ALK: variants seen among roughly 807,000 people sequenced by gnomAD.
ALK encodes the protein ALK tyrosine kinase receptor.
ALK carries 74 observed loss-of-function variants against 163.1 expected under a neutral mutation model. The ratio of observed to expected loss-of-function variants is 0.45; its 90% confidence interval spans 0.38 to 0.55. The LOEUF is 0.55. Among genes scored for constraint, ALK ranks in the 20% least tolerant of loss-of-function variants. ALK has a pLI of 0.00. For missense variants in ALK, 2,063 were observed against 2,105.3 expected (o/e 0.98, Z 0.39); for synonymous variants, 960 against 843.2 (o/e 1.14, Z -2.40).
At chr2:29,399,661 G>A (rs1470388453) in intron 4 of ALK, among the ~76,000 whole-genome samples, 1 of 152,194 alleles carries the variant, frequency 6.6e-6, no homozygotes, top group Admixed American at 6.5e-5. Flanking sequence ...CCACCATGGT[G>A]TCTGCCTGCT....
At chr2:29,432,283 T>G (rs1419664136) in intron 4 of ALK, among the ~76,000 whole-genome samples, 1 of 152,042 alleles carries the variant, frequency 6.6e-6, no homozygotes, top group Non-Finnish European at 1.5e-5. Context: ...ACAATTGAGT[T>G]CTCACTTTAT....
intron 1 of ALK, among the ~76,000 whole-genome samples, chr2:29,752,209 A>T (rs1193158861): frequency 6.6e-6 from 1 of 152,188 alleles, no homozygotes; most frequent in Non-Finnish European, 1.5e-5. Flanking sequence ...ATTATAAAAT[A>T]GGCATTGTGT....
chr2:29,359,613 T>C (rs572634952), intron 5 of ALK, among the ~76,000 whole-genome samples: 1 of 152,350 alleles, frequency 6.6e-6, no homozygotes, highest in African/African-American at 2.4e-5. Context: ...CTGTTCCACT[T>C]GAAGGTGACT....
chr2:29,644,830 A>C (rs1377376933), intron 3 of ALK, among the ~76,000 whole-genome samples: 2 of 152,190 alleles, frequency 1.3e-5, no homozygotes, highest in African/African-American at 4.8e-5. Context: ...CTTAAATAGA[A>C]ATTTCAAGTA....
In ALK at chr2:29,644,101, A is replaced by G. The variant is rs573501698; in HGVS notation, c.952+50749T>C. 7.3e-3 allele frequency among the ~76,000 whole-genome samples: 1,104 copies of G among 152,134 alleles called. 13 individuals carry two copies. The highest frequency in any genetic ancestry group is 0.026 in the African/African-American group (1,069 of 41,496). ...TGATGAGTTCACGTCCTTTGTAGGGACATGGATGAAGCTGGAAACCATCAT... is the reference window on the plus strand; with the variant it reads ...TGATGAGTTCACGTCCTTTGTAGGGGCATGGATGAAGCTGGAAACCATCAT... On this transcript the variant is annotated intron_variant, in intron 3 of 28. Transcript: ENST00000389048.
chr2:29,706,879 C>CTAG (rs1241440360), intron 2 of ALK, among the ~76,000 whole-genome samples: 5 of 151,928 alleles, frequency 3.3e-5, no homozygotes, highest in Non-Finnish European at 7.4e-5. Flanking sequence ...GTGGCATGGC[C>CTAG]TAGGGCTTGG....
At chr2:29,708,199 C>T (rs1375832542) in intron 2 of ALK, among the ~76,000 whole-genome samples, 1 of 152,202 alleles carries the variant, frequency 6.6e-6, no homozygotes, top group Non-Finnish European at 1.5e-5. Context: ...TCCCAAGTAG[C>T]TGGGATTACA....
At chr2:29,537,720 G>C (rs573353081) in intron 3 of ALK, among the ~76,000 whole-genome samples, 1 of 152,220 alleles carries the variant, frequency 6.6e-6, no homozygotes, top group Admixed American at 6.5e-5. Flanking sequence ...GACACTGGCA[G>C]CTTGAAGCCT....
chr2:29,918,556 C>G (rs138495176), intron 1 of ALK, among the ~76,000 whole-genome samples: 15 of 152,280 alleles, frequency 9.9e-5, no homozygotes, highest in African/African-American at 3.6e-4. Flanking sequence ...ATGAAAAGGG[C>G]TCACTTTAGG....
intron 4 of ALK, among the ~76,000 whole-genome samples, chr2:29,493,627 A>G (rs549443107): frequency 6.6e-6 from 1 of 152,338 alleles, no homozygotes; most frequent in East Asian, 1.9e-4. Context: ...CTCTTTGGGT[A>G]GGTCTCAGTT....
chr2:29,917,139 T>C (rs559146232), intron 1 of ALK, among the ~76,000 whole-genome samples: 4 of 152,346 alleles, frequency 2.6e-5, no homozygotes, highest in Admixed American at 2.6e-4. Flanking sequence ...ACTATTTTAG[T>C]CATGGTCCTG....
chr2:29,612,993 C>T (rs1675738288), intron 3 of ALK, among the ~76,000 whole-genome samples: 1 of 152,180 alleles, frequency 6.6e-6, no homozygotes, highest in South Asian at 2.1e-4. Flanking sequence ...TCCAGGCATA[C>T]ACACACCACG....
At chr2:29,689,200 T>G (rs190595971) in intron 3 of ALK, among the ~76,000 whole-genome samples, 7 of 152,304 alleles carry the variant, frequency 4.6e-5, no homozygotes, top group African/African-American at 1.7e-4. Flanking sequence ...AATGATGAGT[T>G]TCACTGATGA....
chr2:29,679,366 A>T (rs79463306), intron 3 of ALK, among the ~76,000 whole-genome samples: 1,943 of 151,388 alleles, frequency 0.013, 49 homozygotes, highest in African/African-American at 0.045. Flanking sequence ...CTTTTTTTTC[A>T]GCACTGAATA....
At chr2:29,195,423 G>A (rs748606224) in intron 28 of ALK, among the ~76,000 whole-genome samples, 17 of 152,196 alleles carry the variant, frequency 1.1e-4, no homozygotes, top group Non-Finnish European at 1.9e-4. Context: ...AAATGTGTCT[G>A]TCTTTAGTCA....
At chr2:29,239,640 G>T in intron 13 of ALK, 40 bp downstream of exon 13, 1 of 1,611,732 alleles carries the variant, frequency 6.2e-7, no homozygotes, top group South Asian at 1.1e-5. Flanking sequence ...CCCGGGGCCT[G>T]ACAGAGTGCA....
At chr2:29,327,233 C>A (rs2148257105) in intron 6 of ALK, among the ~76,000 whole-genome samples, 1 of 152,262 alleles carries the variant, frequency 6.6e-6, no homozygotes, top group African/African-American at 2.4e-5. Flanking sequence ...TTGTTTTCCC[C>A]TATGGAGTCC....
chr2:29,220,360 C>T (rs553110144), intron 23 of ALK, among the ~76,000 whole-genome samples: 24 of 152,272 alleles, frequency 1.6e-4, no homozygotes, highest in African/African-American at 5.8e-4. Flanking sequence ...CTGAGGCCTC[C>T]CCAACCATGC....
chr2:29,402,115 A>G (rs1669461953), intron 4 of ALK, among the ~76,000 whole-genome samples: 1 of 152,200 alleles, frequency 6.6e-6, no homozygotes, highest in South Asian at 2.1e-4. Flanking sequence ...GCGGGTGTTG[A>G]GTGAAAGCCT....
Sources: gnomAD v4.1 joint callset for allele counts (sites outside exome capture counted in the v4.1 genomes callset) on GRCh38, gnomAD v4.1.1 for gene constraint, MANE v1.5 for transcripts, NCBI Gene and HGNC (gene_info 2026-07-23, HGNC 2026-07-21) for gene names.